The following PLEKHA6 variants were observed in gnomAD, a reference collection of about 807,000 sequenced individuals.
PLEKHA6 encodes pleckstrin homology domain-containing family A member 6.
PLEKHA6 carries 60 observed loss-of-function variants against 116.7 expected under a neutral mutation model. That is an observed-to-expected ratio of 0.51 (90% CI 0.42 to 0.64). The LOEUF (loss-of-function observed/expected upper bound fraction) is 0.64, where lower values mean the gene tolerates loss of function less well. Among genes scored for constraint, PLEKHA6 ranks in the 30% least tolerant of loss-of-function variants. The probability of loss-of-function intolerance (pLI) is 0.00; values close to 1 mark genes in which losing one functional copy is unlikely to be tolerated. For missense variants in PLEKHA6, 1,338 were observed against 1,422.7 expected, an observed-to-expected ratio of 0.94 and a Z score of 0.96; for synonymous variants, 489 against 556.1, an observed-to-expected ratio of 0.88 and a Z score of 1.70.
intron 17 of PLEKHA6, among the ~76,000 whole-genome samples, chr1:204,230,865 A>C (rs1661088201): frequency 1.3e-5 from 2 of 152,232 alleles, no homozygotes; most frequent in South Asian, 4.1e-4. Flanking sequence ...GGTGACATGA[A>C]GAGGGAGGCA....
intron 1 of PLEKHA6, chr1:204,275,828 C>G: frequency 2.4e-6 from 1 of 421,724 alleles, no homozygotes; most frequent in South Asian, 9.6e-5. Context: ...AGTTAAGGGC[C>G]TTTTCACCCA....
chr1:204,297,990 A>G, intron 1 of PLEKHA6: 1 of 717,800 alleles, frequency 1.4e-6, no homozygotes, highest in Non-Finnish European at 1.7e-6. Flanking sequence ...CACCTTTCTC[A>G]TGGTTCACAA....
intron 2 of PLEKHA6, among the ~76,000 whole-genome samples, chr1:204,370,540 T>G (rs1303518780): frequency 6.6e-6 from 1 of 152,256 alleles, no homozygotes; most frequent in Non-Finnish European, 1.5e-5. Flanking sequence ...TCTTGATGTC[T>G]CTACCTCAAC....
intron 1 of PLEKHA6, among the ~76,000 whole-genome samples, chr1:204,290,522 C>T (rs924903437): frequency 1.3e-5 from 2 of 152,074 alleles, no homozygotes; most frequent in South Asian, 4.1e-4. Flanking sequence ...TAACTCAAAA[C>T]GGACCATAGA....
chr1:204,254,068 T>C (rs1398227943), intron 9 of PLEKHA6, among the ~76,000 whole-genome samples: 1 of 152,198 alleles, frequency 6.6e-6, no homozygotes, highest in African/African-American at 2.4e-5. Flanking sequence ...ACAGGGAGGA[T>C]AGCTTGCTCA....
intron 1 of PLEKHA6, among the ~76,000 whole-genome samples, chr1:204,340,965 A>G (rs1003649151): frequency 1.3e-5 from 2 of 152,222 alleles, no homozygotes; most frequent in Non-Finnish European, 2.9e-5. Context: ...GAGAGCGAGC[A>G]GCTGATAGGA....
intron 1 of PLEKHA6, among the ~76,000 whole-genome samples, chr1:204,315,660 A>T (rs973114340): frequency 6.6e-6 from 1 of 152,254 alleles, no homozygotes; most frequent in Admixed American, 6.5e-5. Flanking sequence ...TGTCCTGAGC[A>T]TGACAGTGCT....
intron 1 of PLEKHA6, among the ~76,000 whole-genome samples, chr1:204,358,944 T>A (rs1673492214): frequency 6.8e-6 from 1 of 146,414 alleles, no homozygotes; most frequent in Non-Finnish European, 1.5e-5. Flanking sequence ...TCCCTCCCCT[T>A]CCACTGTAGC....
chr1:204,330,253 C>T (rs549961816), intron 1 of PLEKHA6, among the ~76,000 whole-genome samples: 16 of 152,298 alleles, frequency 1.1e-4, no homozygotes, highest in Non-Finnish European at 1.8e-4. Context: ...CCCGCCTTGA[C>T]CTCCCCAAGT....
At chr1:204,324,612 A>AAGTCACT (rs1206664538) in intron 1 of PLEKHA6, among the ~76,000 whole-genome samples, 20 of 152,258 alleles carry the variant, frequency 1.3e-4, no homozygotes, top group African/African-American at 4.6e-4. Flanking sequence ...TGAGAGGGAT[A>AAGTCACT]CAATTCAGAA....
At chr1:204,286,829 C>G (rs906993501) in intron 1 of PLEKHA6, among the ~76,000 whole-genome samples, 1 of 152,160 alleles carries the variant, frequency 6.6e-6, no homozygotes, top group Non-Finnish European at 1.5e-5. Flanking sequence ...ATCCCCGTTC[C>G]TCTCCTATAC....
intron 9 of PLEKHA6, among the ~76,000 whole-genome samples, chr1:204,252,415 T>A (rs1664689395): frequency 6.6e-6 from 1 of 151,846 alleles, no homozygotes. Context: ...AATGCCATCA[T>A]TTCCCCCACT....
chr1:204,332,038 G>T (rs771561440), intron 1 of PLEKHA6, among the ~76,000 whole-genome samples: 2 of 152,194 alleles, frequency 1.3e-5, no homozygotes, highest in African/African-American at 2.4e-5. Flanking sequence ...GCTCCAGGAA[G>T]AGAGACAAGT....
chr1:204,346,568 A>AG (rs766442121), intron 1 of PLEKHA6, among the ~76,000 whole-genome samples: 3 of 152,122 alleles, frequency 2.0e-5, no homozygotes, highest in Non-Finnish European at 4.4e-5. Context: ...GGGTCACACG[A>AG]GGGGCAAGAA....
intron 1 of PLEKHA6, among the ~76,000 whole-genome samples, chr1:204,319,258 A>AGC (rs1671971547): frequency 6.6e-6 from 1 of 152,130 alleles, no homozygotes; most frequent in Non-Finnish European, 1.5e-5. Flanking sequence ...CAGGAGGAGG[A>AGC]GCAGGCTGTC....
At chr1:204,292,454 C>T (rs1425740212) in intron 1 of PLEKHA6, among the ~76,000 whole-genome samples, 1 of 152,194 alleles carries the variant, frequency 6.6e-6, no homozygotes, top group African/African-American at 2.4e-5. Flanking sequence ...CTGGCTGATG[C>T]CCACCTATGT....
chr1:204,282,698 C>T, intron 1 of PLEKHA6: 1 of 985,420 alleles, frequency 1.0e-6, no homozygotes, highest in African/African-American at 1.7e-5. Flanking sequence ...CAGAAGCTGC[C>T]ATGGGCAGGC....
chr1:204,266,920 T>A (rs1462252816), intron 5 of PLEKHA6, among the ~76,000 whole-genome samples: 2 of 151,708 alleles, frequency 1.3e-5, no homozygotes, highest in Non-Finnish European at 2.9e-5. Flanking sequence ...AGGGAGAGGG[T>A]GTTGGGGTCA....
intron 1 of PLEKHA6, among the ~76,000 whole-genome samples, chr1:204,283,241 G>C (rs1668826265): frequency 7.0e-6 from 1 of 143,428 alleles, no homozygotes; most frequent in South Asian, 2.5e-4. Flanking sequence ...GAGTTATGAA[G>C]CTGGCTGATC....
Sources: allele counts gnomAD v4.1 joint callset (sites outside exome capture counted in the v4.1 genomes callset), GRCh38; gene constraint gnomAD v4.1.1; transcripts MANE v1.5; gene names NCBI Gene and HGNC (gene_info 2026-07-23, HGNC 2026-07-21).